The following RPS6KL1 variants were observed in gnomAD, a reference collection of about 807,000 sequenced individuals.
The protein encoded by RPS6KL1 is ribosomal protein S6 kinase like 1, also known as ribosomal protein S6 kinase-like 1.
RPS6KL1 carries 41 observed loss-of-function variants against 57.0 expected under a neutral mutation model. The observed-to-expected ratio is 0.72, with a 90% CI of 0.56 to 0.93. The LOEUF is 0.93. Ranked by LOEUF, RPS6KL1 falls within the 40% of genes least tolerant of loss-of-function variation. RPS6KL1 has a pLI of 0.00. For missense variants in RPS6KL1, 697 were observed against 727.7 expected (o/e 0.96, Z 0.49); for synonymous variants, 287 against 309.7 (o/e 0.93, Z 0.77).
chr14:74,911,085 T>C (rs1885873595), intron 7 of RPS6KL1, 163 bp downstream of exon 7: 4 of 636,204 alleles, frequency 6.3e-6, no homozygotes, highest in Middle Eastern at 3.3e-4. Flanking sequence ...TTGGCCAGGC[T>C]GGTCTTGAAC....
chr14:74,904,287 G>A lies in RPS6KL1; in HGVS notation c.*2727C>T, dbSNP rs1348261977. The stretch of plus-strand genomic sequence containing the variant: ...CTGGGTTACAGTAAGGGGTTGTGGA[G>A]ACCAAGGTTTTATGCAGATGAAGCC... On this transcript the variant is annotated 3_prime_UTR_variant, in exon 12 of 12. Coordinates refer to ENST00000557413, the MANE Select transcript of RPS6KL1 (RefSeq NM_031464.5). 1.3e-5 allele frequency: 2 copies of A among 152,282 alleles called. No homozygotes were observed. The highest frequency in any genetic ancestry group is 1.3e-4 in the Admixed American group (2 of 15,304). The allele number at this position is 152,282 out of a possible 1,614,324, so 9.4% of individuals were successfully genotyped here.
intron 5 of RPS6KL1, among the ~76,000 whole-genome samples, chr14:74,915,283 C>G (rs758961201): frequency 6.6e-6 from 1 of 152,162 alleles, no homozygotes; most frequent in South Asian, 2.1e-4. Flanking sequence ...TTCGTTCCCC[C>G]ATGGTGACTG....
Position 74,904,751 on chromosome 14 carries a change from C to T in RPS6KL1, c.*2263G>A, listed in dbSNP as rs924218431. On this transcript the variant is annotated 3_prime_UTR_variant, in exon 12 of 12. Coordinates refer to ENST00000557413, the MANE Select transcript of RPS6KL1 (RefSeq NM_031464.5). ...CATTTGGATTTGATAGCCTTGTGGA[C>T]CAAGATGCTCAAGGTCAATACACAT... 6.6e-6 allele frequency: 1 copy of T among 152,138 alleles called. No individual in the cohort carries two copies. Among genetic ancestry groups the T allele is most frequent in the African/African-American group, 2.4e-5 (1 of 41,422 alleles). The allele number at this position is 152,138 out of a possible 1,614,324, so 9.4% of individuals were successfully genotyped here. A position where few individuals can be genotyped will look rare whatever the true frequency, so the allele number is the denominator to read the frequency against.
Position 74,921,368 on chromosome 14 carries a change from C to A in RPS6KL1, c.174G>T (p.Arg58=), listed in dbSNP as rs755890102. 4 of 1,614,260 alleles carry A rather than the reference C, an allele frequency of 2.5e-6. No individual in the cohort carries two copies. The highest frequency in any genetic ancestry group is 3.4e-6 in the Non-Finnish European group (4 of 1,180,048). The part of the protein sequence containing the change: ...DYLVDAATQI[R]LALERDVSED... ...CACTAACATCGCGCTCCAGGGCCAGCCGGATCTGCGTGGCCGCATCCACCA... is the reference window on the plus strand; with the variant it reads ...CACTAACATCGCGCTCCAGGGCCAGACGGATCTGCGTGGCCGCATCCACCA... Residue 58 remains arginine (R), a synonymous_variant, in exon 3 of 12, where the codon CGG becomes CGT. Transcript: ENST00000557413.
At position 74,906,413 on chromosome 14, in the gene RPS6KL1, G is replaced by T. The variant is rs1397548189; in HGVS notation, c.*601C>A. On this transcript the variant is annotated 3_prime_UTR_variant, in exon 12 of 12. Coordinates refer to ENST00000557413, the MANE Select transcript of RPS6KL1 (RefSeq NM_031464.5). Reference sequence around the variant, plus strand: ...GGCATGGTCAGGAATCGGGGGTGGGGGGGTGGGGGTGGGGGTCATCCTGTC... The same window carrying T: ...GGCATGGTCAGGAATCGGGGGTGGGTGGGTGGGGGTGGGGGTCATCCTGTC... The T allele has an allele frequency of 8.8e-6, 3 of 340,432 alleles. No homozygotes were observed. The highest frequency in any genetic ancestry group is 7.2e-5 in the African/African-American group (3 of 41,908). 21.1% of individuals were successfully genotyped at this position (340,432 alleles called of 1,614,324 possible).
Position 74,917,849 on chromosome 14 carries a change from C to T in RPS6KL1, c.483+664G>A, listed in dbSNP as rs146173293. 3.2e-3 allele frequency among the ~76,000 whole-genome samples: 483 copies of T among 152,294 alleles called. 1 individual carries two copies. The highest frequency in any genetic ancestry group is 9.8e-3 in the African/African-American group (407 of 41,570). ...TTTCTGGAGTTGAGCACGTCCCAGC[C>T]GCAGGAAGTCCCCAGCTGTGCTCGG... On this transcript the variant is annotated intron_variant, in intron 5 of 11. Coordinates refer to ENST00000557413, the MANE Select transcript of RPS6KL1 (RefSeq NM_031464.5).
At chr14:74,911,132 A>C (rs1885887497) in intron 7 of RPS6KL1, 116 bp downstream of exon 7, 1 of 1,030,372 alleles carries the variant, frequency 9.7e-7, no homozygotes, top group African/African-American at 1.6e-5. Flanking sequence ...TCGGCCTCCC[A>C]AAGTGCTGGG....
At position 74,906,731 on chromosome 14, in the gene RPS6KL1, T is replaced by A. The variant is rs375019007; in HGVS notation, c.*283A>T. 1 of 599,692 alleles carries A rather than the reference T, an allele frequency of 1.7e-6. No individual in the cohort carries two copies. Among genetic ancestry groups the A allele is most frequent in the Admixed American group, 2.2e-5 (1 of 46,308 alleles). 37.1% of individuals were successfully genotyped at this position (599,692 alleles called of 1,614,324 possible). On this transcript the variant is annotated 3_prime_UTR_variant, in exon 12 of 12. Transcript: ENST00000557413. Reference sequence around the variant, plus strand: ...CCACAGAAGGCAACCTTTAACATGGTGAGTCCACATGCTCAACGGGTCTGT... The same window carrying A: ...CCACAGAAGGCAACCTTTAACATGGAGAGTCCACATGCTCAACGGGTCTGT...
chr14:74,907,170 C>T, intron 11 of RPS6KL1, 46 bp from the exon 12 acceptor site: 1 of 1,503,574 alleles, frequency 6.7e-7, no homozygotes, highest in Non-Finnish European at 9.1e-7. Flanking sequence ...GCTGTGGAGG[C>T]ATGGGGTGAC....
chr14:74,909,798 C>T lies in RPS6KL1; in HGVS notation c.1015G>A (p.Ala339Thr), dbSNP rs368399865. ...QARRAGQNSD[A>T]GPPRGLTWVP... is the part of the protein sequence containing the mutation. ...CAAGTGAGCCCCCGAGGGGGCCCAG[C>T]GTCTGAGTTCTGGCCAGCCCTCCTA... The change falls in exon 8 of 12, where the codon GCT becomes ACT. Residue 339 changes from alanine to threonine, a missense_variant. Physicochemically the swap from Ala to Thr is moderately conservative, Grantham distance 58 (BLOSUM62 0). Transcript: ENST00000557413. 85 of 1,605,672 alleles carry T rather than the reference C, an allele frequency of 5.3e-5. No homozygotes were observed. In the Admixed American group the frequency reaches 8.1e-4, roughly 15 times the overall value.
chr14:74,918,093 A>ATATTTTATTTTATTTTATTT (rs60519410), intron 5 of RPS6KL1, among the ~76,000 whole-genome samples: 20 of 149,812 alleles, frequency 1.3e-4, no homozygotes, highest in Admixed American at 2.0e-4. Context: ...TCTTCTTTTT[A>ATATTTTATTTTATTTTATTT]TATTTTATTT....
intron 1 of RPS6KL1, among the ~76,000 whole-genome samples, chr14:74,922,705 G>A (rs994352313): frequency 1.3e-5 from 2 of 152,252 alleles, no homozygotes; most frequent in African/African-American, 2.4e-5. Flanking sequence ...GGGAAGGGAA[G>A]GGGCTCAGAG....
At position 74,911,819 on chromosome 14, in the gene RPS6KL1, G is replaced by T; in HGVS notation, c.506C>A (p.Ala169Glu). ...CTTCACCACAAAGGTCCCTCCGGTT[G>T]CCGGGTCCTGGACCAGCTGCACCTG... ...IEKVQLVQDP[A>E]TGGTFVVKSL... Residue 169 changes from alanine (A) to glutamate (E), a missense_variant, in exon 6 of 12, where the codon GCA becomes GAA. Transcript: ENST00000557413. The T allele has an allele frequency of 6.4e-7, 1 of 1,553,486 alleles. No individual in the cohort carries two copies. Among genetic ancestry groups the T allele is most frequent in the South Asian group, 1.2e-5 (1 of 84,128 alleles).
chr14:74,911,672 G>C (rs1886019767), intron 6 of RPS6KL1, 122 bp downstream of exon 6: 1 of 964,280 alleles, frequency 1.0e-6, no homozygotes, highest in South Asian at 1.5e-5. Context: ...TGTTCAGGCA[G>C]AACAACCAGC....
chr14:74,919,004 T>C (rs944454555), intron 4 of RPS6KL1, among the ~76,000 whole-genome samples: 3 of 152,178 alleles, frequency 2.0e-5, no homozygotes, highest in African/African-American at 7.2e-5. Context: ...GGTGAAACCC[T>C]ATCTCTACTA....
chr14:74,912,762 TAAGTA>T (rs1886234861), intron 5 of RPS6KL1, among the ~76,000 whole-genome samples: 1 of 152,120 alleles, frequency 6.6e-6, no homozygotes, highest in South Asian at 2.1e-4. Context: ...TTAAAATAAA[TAAGTA>T]AAGTCCGCTT....
At chr14:74,907,783 A>G (rs770611083) in intron 10 of RPS6KL1, among the ~76,000 whole-genome samples, 2 of 152,220 alleles carry the variant, frequency 1.3e-5, no homozygotes, top group Non-Finnish European at 2.9e-5. Context: ...TCTTGGCTCC[A>G]AGCTTGCTAG....
chr14:74,910,184 A>G lies in RPS6KL1; in HGVS notation c.665-36T>C, dbSNP rs760715272. The G allele has an allele frequency of 1.1e-5, 16 of 1,490,416 alleles. No homozygotes were observed. The South Asian group carries it at 2.1e-4, about 19-fold the overall frequency. The allele number at this position is 1,490,416 out of a possible 1,614,324, so 92.3% of individuals were successfully genotyped here. ...CAGAGGGAGCGGTGAGCGTGGGGAC[A>G]GGGAGAAAAAGAGTATGGATGCCAG... On this transcript the variant is annotated intron_variant, in intron 7 of 11. Coordinates refer to ENST00000557413, the MANE Select transcript of RPS6KL1 (RefSeq NM_031464.5).
chr14:74,910,355 T>A, intron 7 of RPS6KL1: 3 of 418,428 alleles, frequency 7.2e-6, no homozygotes, highest in Non-Finnish European at 4.1e-6. Context: ...CCAACTAAAG[T>A]GGGCCCAGCC....
Sources: allele counts gnomAD v4.1 joint callset (sites outside exome capture counted in the v4.1 genomes callset), GRCh38; gene constraint gnomAD v4.1.1; transcripts MANE v1.5; gene names NCBI Gene and HGNC (gene_info 2026-07-23, HGNC 2026-07-21).